POLR2J: variants seen among roughly 807,000 people sequenced by gnomAD.
The protein encoded by POLR2J is DNA-directed RNA polymerase II subunit RPB11-a.
POLR2J carries 12 observed loss-of-function variants against 13.4 expected under a neutral mutation model. The observed-to-expected ratio is 0.90, with a 90% confidence interval of 0.57 to 1.45. The LOEUF (loss-of-function observed/expected upper bound fraction) is 1.45. Ranked by LOEUF, POLR2J falls within the 40% of genes most tolerant of loss-of-function variation. The pLI is 0.00. For missense variants in POLR2J, 58 were observed against 132.0 expected, an observed-to-expected ratio of 0.44 and a Z score of 2.75; for synonymous variants, 31 against 53.6, an observed-to-expected ratio of 0.58 and a Z score of 1.84.
At chr7:102,475,689 C>T (rs1476058804) in intron 2 of POLR2J, among the ~76,000 whole-genome samples, 4 of 152,242 alleles carry the variant, frequency 2.6e-5, no homozygotes, top group South Asian at 2.1e-4. Context: ...TTTGGGAAGC[C>T]GGCAGGTGGA....
intron 2 of POLR2J, among the ~76,000 whole-genome samples, chr7:102,475,771 A>ATTTT (rs1374157520): frequency 8.0e-5 from 12 of 150,874 alleles, no homozygotes; most frequent in Non-Finnish European, 1.8e-4. Flanking sequence ...AAAACACAAA[A>ATTTT]ATTAGCCGGG....
At chr7:102,475,158 G>T (rs1280157488) in intron 2 of POLR2J, among the ~76,000 whole-genome samples, 5 of 152,256 alleles carry the variant, frequency 3.3e-5, no homozygotes, top group Admixed American at 6.5e-5. Flanking sequence ...GAGAGCTTGG[G>T]TGCCCCACTG....
rs1367210750 is a variant in POLR2J, at chr7:102,473,645, G to A, written c.*4C>T. On this transcript the variant is annotated 3_prime_UTR_variant, in exon 4 of 4. Coordinates refer to ENST00000292614, the MANE Select transcript of POLR2J (RefSeq NM_006234.6). ...CACAGGCCGAGCAGAGCCCCCTCTGGCCCCTACTCAATTCCTTCCTGCTTG... is the reference window on the plus strand; with the variant it reads ...CACAGGCCGAGCAGAGCCCCCTCTGACCCCTACTCAATTCCTTCCTGCTTG... 1.9e-6 allele frequency: 3 copies of A among 1,613,896 alleles called. No homozygotes were observed. The highest frequency in any genetic ancestry group is 2.5e-6 in the Non-Finnish European group (3 of 1,179,930).
In POLR2J at chr7:102,473,303, C is replaced by A; in HGVS notation, c.*346G>T. ...GTTTGCACACTTCTCTCCGGCTCAG[C>A]ACAGCCCCCGCAGCAGCCCCTGGAC... is the stretch of plus-strand genomic sequence containing the variant. On this transcript the variant is annotated 3_prime_UTR_variant, in exon 4 of 4. Coordinates refer to ENST00000292614, the MANE Select transcript of POLR2J (RefSeq NM_006234.6). The A allele has an allele frequency of 1.7e-6, 1 of 577,176 alleles. No homozygotes were observed. The highest frequency in any genetic ancestry group is 3.0e-6 in the Non-Finnish European group (1 of 335,698). 35.8% of individuals were successfully genotyped at this position (577,176 alleles called of 1,614,324 possible).
chr7:102,474,243 C>G (rs1798344439), intron 3 of POLR2J, 118 bp downstream of exon 3: 12 of 1,597,016 alleles, frequency 7.5e-6, no homozygotes, highest in Non-Finnish European at 1.0e-5. Context: ...CCCTGCTCTT[C>G]CATCACTGCC....
At position 102,473,700 on chromosome 7, in the gene POLR2J, G is replaced by A. The variant is rs756734128; in HGVS notation, c.319-16C>T. 9.3e-6 allele frequency: 15 copies of A among 1,613,692 alleles called. No individual in the cohort carries two copies. Among genetic ancestry groups the A allele is most frequent in the East Asian group, 8.9e-5 (4 of 44,864 alleles). On this transcript the variant is annotated splice_polypyrimidine_tract_variant and intron_variant, in intron 3 of 3. Transcript: ENST00000292614. The stretch of plus-strand genomic sequence containing the variant: ...TTATGGCCACCTGGGAGAGAAGAAG[G>A]TGGTGGAGACTGAGCTGGAACAGCT...
chr7:102,474,256 C>G (rs561899337), intron 3 of POLR2J, 105 bp downstream of exon 3: 22 of 1,605,694 alleles, frequency 1.4e-5, no homozygotes, highest in South Asian at 1.1e-4. Context: ...TCACTGCCGC[C>G]TCTCCCCCAG....
rs548362001 is a variant in POLR2J, at chr7:102,478,885, C to G, written c.-25G>C. 1 of 1,610,270 alleles carries G rather than the reference C, an allele frequency of 6.2e-7. No homozygotes were observed. The highest frequency in any genetic ancestry group is 8.5e-7 in the Non-Finnish European group (1 of 1,179,562). ...TGCTCCCGCCGCCGTTGCGTCCAGA[C>G]CCCAAGGGTCCGCCGCCGCCGCCAC... On this transcript the variant is annotated 5_prime_UTR_variant, in exon 1 of 4. Coordinates refer to ENST00000292614, the MANE Select transcript of POLR2J (RefSeq NM_006234.6).
At position 102,473,220 on chromosome 7, in the gene POLR2J, C is replaced by CT; in HGVS notation, c.*428dup. The CT allele has an allele frequency of 1.2e-6, 1 of 803,632 alleles. No individual in the cohort carries two copies. Among genetic ancestry groups the CT allele is most frequent in the Non-Finnish European group, 1.9e-6 (1 of 526,552 alleles). The allele number at this position is 803,632 out of a possible 1,614,324, so 49.8% of individuals were successfully genotyped here. Reference sequence around the variant, plus strand: ...GCAGGAAGAAGTGTTCCTGCTTTGACTGACAGGCAGGCCCAGGAGTTGAGG... The same window carrying CT: ...GCAGGAAGAAGTGTTCCTGCTTTGACTTGACAGGCAGGCCCAGGAGTTGAGG... On this transcript the variant is annotated 3_prime_UTR_variant, in exon 4 of 4. Coordinates refer to ENST00000292614, the MANE Select transcript of POLR2J (RefSeq NM_006234.6).
chr7:102,473,154 T>C lies in POLR2J; in HGVS notation c.*495A>G. 1 of 1,282,892 alleles carries C rather than the reference T, an allele frequency of 7.8e-7. No homozygotes were observed. The highest frequency in any genetic ancestry group is 1.1e-6 in the Non-Finnish European group (1 of 933,260). 79.5% of individuals were successfully genotyped at this position (1,282,892 alleles called of 1,614,324 possible). On this transcript the variant is annotated 3_prime_UTR_variant, in exon 4 of 4. Transcript: ENST00000292614. ...TTCAGTGAATATTTTTATTAAACTC[T>C]ACTGTGGACAAGAAGCCTGTGGAAA...
Position 102,473,293 on chromosome 7 carries a change from T to C in POLR2J, c.*356A>G. 1.7e-6 allele frequency: 1 copy of C among 587,626 alleles called. No individual in the cohort carries two copies. Among genetic ancestry groups the C allele is most frequent in the Non-Finnish European group, 2.9e-6 (1 of 342,866 alleles). 36.4% of individuals were successfully genotyped at this position (587,626 alleles called of 1,614,324 possible). A position where few individuals can be genotyped will look rare whatever the true frequency, so the allele number is the denominator to read the frequency against. On this transcript the variant is annotated 3_prime_UTR_variant, in exon 4 of 4. Transcript: ENST00000292614. Reference sequence around the variant, plus strand: ...GAGCTCATGGGTTTGCACACTTCTCTCCGGCTCAGCACAGCCCCCGCAGCA... The same window carrying C: ...GAGCTCATGGGTTTGCACACTTCTCCCCGGCTCAGCACAGCCCCCGCAGCA...
chr7:102,475,682 G>C (rs1225541947), intron 2 of POLR2J, among the ~76,000 whole-genome samples: 26 of 152,256 alleles, frequency 1.7e-4, no homozygotes, highest in Non-Finnish European at 3.5e-4. Flanking sequence ...CCAGCACTTT[G>C]GGAAGCCGGC....
chr7:102,475,023 G>C (rs539125672), intron 2 of POLR2J, among the ~76,000 whole-genome samples: 1 of 151,374 alleles, frequency 6.6e-6, no homozygotes, highest in Non-Finnish European at 1.5e-5. Flanking sequence ...GCTGCGTCGC[G>C]TACTGTGCCC....
chr7:102,478,851 G>A lies in POLR2J; in HGVS notation c.10C>T (p.Pro4Ser). The A allele has an allele frequency of 1.9e-6, 3 of 1,610,796 alleles. No homozygotes were observed. The highest frequency in any genetic ancestry group is 1.7e-6 in the Non-Finnish European group (2 of 1,179,732). The part of the protein sequence containing the change: MNA[P>S]PAFESFLLFE... Reference sequence around the variant, plus strand: ...AGCAAGAACGACTCGAAGGCTGGAGGGGCGTTCATGCTCCCGCCGCCGTTG... The same window carrying A: ...AGCAAGAACGACTCGAAGGCTGGAGAGGCGTTCATGCTCCCGCCGCCGTTG... The change falls in exon 1 of 4, where the codon CCT becomes TCT. Residue 4 changes from proline (P) to serine (S), a missense_variant. Coordinates refer to ENST00000292614, the MANE Select transcript of POLR2J (RefSeq NM_006234.6).
chr7:102,475,728 C>G (rs1263224225), intron 2 of POLR2J, among the ~76,000 whole-genome samples: 1 of 152,114 alleles, frequency 6.6e-6, no homozygotes, highest in East Asian at 1.9e-4. Context: ...TCGAGACCAG[C>G]CTGGCCAACA....
In POLR2J at chr7:102,474,403, G is replaced by A. The variant is rs200167532; in HGVS notation, c.276C>T (p.Thr92=). The change falls in exon 3 of 4, where the codon ACC becomes ACT. Residue 92 remains threonine (T), a synonymous_variant. Transcript: ENST00000292614. ...GCAGGGACAGCTCACTGATGAGGTCGGTGATGGCGTTGGTAAAGGCTTCCT... is the reference window on the plus strand; with the variant it reads ...GCAGGGACAGCTCACTGATGAGGTCAGTGATGGCGTTGGTAAAGGCTTCCT... The part of the protein sequence containing the change: ...SPQEAFTNAI[T]DLISELSLLE... 36 of 1,611,004 alleles carry A rather than the reference G, an allele frequency of 2.2e-5. No homozygotes were observed. The highest frequency in any genetic ancestry group is 6.7e-5 in the African/African-American group (5 of 74,562).
At position 102,473,502 on chromosome 7, in the gene POLR2J, A is replaced by T; in HGVS notation, c.*147T>A. 3.0e-6 allele frequency: 3 copies of T among 1,001,084 alleles called. No individual in the cohort carries two copies. Among genetic ancestry groups the T allele is most frequent in the African/African-American group, 2.7e-5 (1 of 37,614 alleles). The allele number at this position is 1,001,084 out of a possible 1,614,324, so 62.0% of individuals were successfully genotyped here. ...TAGGAATATAAAACCTAATCTATGT[A>T]CAGGACACGTCGGTGTCAGGGTGAG... is the stretch of plus-strand genomic sequence containing the variant. On this transcript the variant is annotated 3_prime_UTR_variant, in exon 4 of 4. Transcript: ENST00000292614.
At position 102,478,869 on chromosome 7, in the gene POLR2J, C is replaced by G. The variant is rs759908030; in HGVS notation, c.-9G>C. 2.5e-6 allele frequency: 4 copies of G among 1,610,686 alleles called. No individual in the cohort carries two copies. Among genetic ancestry groups the G allele is most frequent in the Admixed American group, 1.7e-5 (1 of 60,004 alleles). On this transcript the variant is annotated 5_prime_UTR_variant, in exon 1 of 4. Coordinates refer to ENST00000292614, the MANE Select transcript of POLR2J (RefSeq NM_006234.6). The stretch of plus-strand genomic sequence containing the variant: ...GCTGGAGGGGCGTTCATGCTCCCGC[C>G]GCCGTTGCGTCCAGACCCCAAGGGT...
At chr7:102,474,151 A>C (rs1401862166) in intron 3 of POLR2J, 3 of 1,528,920 alleles carry the variant, frequency 2.0e-6, no homozygotes, top group Middle Eastern at 2.3e-4. Flanking sequence ...AGCACTACAG[A>C]AGTCCCATGG....
Sources: allele counts gnomAD v4.1 joint callset (sites outside exome capture counted in the v4.1 genomes callset), GRCh38; gene constraint gnomAD v4.1.1; transcripts MANE v1.5; gene names NCBI Gene and HGNC (gene_info 2026-07-23, HGNC 2026-07-21).